Variants in RAB5A observed in about 807,000 individuals in gnomAD.
The protein encoded by RAB5A is RAB5A, member RAS oncogene family.
Under a neutral mutation model 25.7 loss-of-function variants are expected in RAB5A, and 8 were observed. The ratio of observed to expected loss-of-function variants is 0.31; its 90% CI spans 0.18 to 0.56. RAB5A has a LOEUF of 0.56. Ranked by LOEUF, RAB5A falls within the 20% of genes least tolerant of loss-of-function variation. The pLI is 0.91. For missense variants in RAB5A, 192 were observed against 259.7 expected (o/e 0.74, Z 1.79); for synonymous variants, 98 against 89.8 (o/e 1.09, Z -0.52).
At chr3:19,960,998 A>G (rs1428272775) in intron 2 of RAB5A, among the ~76,000 whole-genome samples, 1 of 152,232 alleles carries the variant, frequency 6.6e-6, no homozygotes, top group East Asian at 1.9e-4. Flanking sequence ...AACTAGAGCC[A>G]GAATATATTC....
chr3:19,953,492 C>T (rs1204864285), intron 2 of RAB5A, among the ~76,000 whole-genome samples: 1 of 151,002 alleles, frequency 6.6e-6, no homozygotes, highest in East Asian at 1.9e-4. Flanking sequence ...ACTGCAACCT[C>T]CGCTTCCCAG....
chr3:19,969,306 A>C (rs1696711105), intron 2 of RAB5A, among the ~76,000 whole-genome samples: 2 of 151,302 alleles, frequency 1.3e-5, no homozygotes. Context: ...GGCCTCCTAA[A>C]GTGCTGGGAT....
chr3:19,949,001 G>C (rs1200049107), intron 1 of RAB5A, among the ~76,000 whole-genome samples: 1 of 152,124 alleles, frequency 6.6e-6, no homozygotes, highest in South Asian at 2.1e-4. Context: ...GTATATTAGA[G>C]ATTGTTTACA....
In RAB5A at chr3:19,975,755, A is replaced by G. The variant is rs765586062; in HGVS notation, c.315+3A>G. ...TTGTATATGATATCACAAATGAGGT[A>G]AGTATGGATGCATTCCACAGTAAAA... On this transcript the variant is annotated splice_donor_region_variant and intron_variant, in intron 3 of 5. Transcript: ENST00000273047. The G allele has an allele frequency of 6.2e-7, 1 of 1,608,454 alleles. No individual in the cohort carries two copies. The highest frequency in any genetic ancestry group is 1.1e-5 in the South Asian group (1 of 89,756).
chr3:19,950,908 C>G lies in RAB5A; in HGVS notation c.10C>G (p.Arg4Gly). 6.2e-7 allele frequency: 1 copy of G among 1,609,846 alleles called. No homozygotes were observed. Among genetic ancestry groups the G allele is most frequent in the East Asian group, 2.2e-5 (1 of 44,852 alleles). Residue 4 changes from arginine (R) to glycine (G), a missense_variant, in exon 2 of 6, where the codon CGA (arginine) becomes GGA (glycine). Coordinates refer to ENST00000273047, the MANE Select transcript of RAB5A (RefSeq NM_004162.5). MAS[R>G]GATRPNGPNT... ...TATTTCAAATTTGGACATGGCTAGT[C>G]GAGGCGCAACAAGACCCAACGGGCC...
intron 2 of RAB5A, 108 bp from the exon 3 acceptor site, chr3:19,975,493 T>C: frequency 1.9e-6 from 2 of 1,047,084 alleles, no homozygotes; most frequent in Non-Finnish European, 2.7e-6. Flanking sequence ...TGTACATACT[T>C]ACGGGGTACA....
chr3:19,956,944 T>C (rs907352108), intron 2 of RAB5A, among the ~76,000 whole-genome samples: 2 of 144,110 alleles, frequency 1.4e-5, no homozygotes, highest in East Asian at 1.9e-4. Context: ...GTGTTTTTTT[T>C]CCTTTTTTTT....
In RAB5A at chr3:19,975,790, G is replaced by A. The variant is rs778875102; in HGVS notation, c.315+38G>A. On this transcript the variant is annotated intron_variant, in intron 3 of 5. Transcript: ENST00000273047. ...GCATTCCACAGTAAAACTAATTTGAGTACCCACTTTTGGTGTTCAGAATTT... is the reference window on the plus strand; with the variant it reads ...GCATTCCACAGTAAAACTAATTTGAATACCCACTTTTGGTGTTCAGAATTT... 7.7e-6 allele frequency: 12 copies of A among 1,557,134 alleles called. No homozygotes were observed. In the Admixed American group the frequency reaches 2.3e-4, roughly 30 times the overall value.
intron 2 of RAB5A, among the ~76,000 whole-genome samples, chr3:19,965,216 C>T (rs371031874): frequency 2.0e-5 from 3 of 152,106 alleles, no homozygotes; most frequent in African/African-American, 7.2e-5. Flanking sequence ...GCCACTGTGC[C>T]CGGCCCTAAG....
intron 5 of RAB5A, 34 bp downstream of exon 5, chr3:19,978,437 T>A: frequency 6.8e-7 from 1 of 1,470,416 alleles, no homozygotes; most frequent in Non-Finnish European, 9.4e-7. Flanking sequence ...ATGATCAATA[T>A]AAGCAAAACA....
chr3:19,978,359 C>A lies in RAB5A; in HGVS notation c.488C>A (p.Ser163Tyr). Residue 163 changes from serine to tyrosine, a missense_variant, in exon 5 of 6, where the codon TCC (serine) becomes TAC (tyrosine). Physicochemically the swap from Ser to Tyr is moderately radical, Grantham distance 144. This residue lies in a region of RAB5A where 121 missense variants were observed against 135.7 expected (regional missense o/e 0.89). Coordinates refer to ENST00000273047, the MANE Select transcript of RAB5A (RefSeq NM_004162.5). ...AATAGTTTATTATTCATGGAGACAT[C>A]CGCTAAAACATCAATGAATGTAAAT... is the stretch of plus-strand genomic sequence containing the variant. ...DDNSLLFMET[S>Y]AKTSMNVNEI... The A allele has an allele frequency of 6.2e-7, 1 of 1,610,280 alleles. No homozygotes were observed. The highest frequency in any genetic ancestry group is 8.5e-7 in the Non-Finnish European group (1 of 1,176,954).
In RAB5A at chr3:19,979,705, AT is replaced by A. The variant is rs147665665; in HGVS notation, c.532+1312del. On this transcript the variant is annotated intron_variant, in intron 5 of 5. Transcript: ENST00000273047. ...GGTTGGTTTTGTTTTTTGGTTTTGG[AT>A]TTTTTTTTTAACCCTTTCCTCTTTC... Among the ~76,000 whole-genome samples the A allele has an allele frequency of 5.9e-3, 882 of 149,404 alleles. 7 individuals carry two copies. The highest frequency in any genetic ancestry group is 0.019 in the African/African-American group (759 of 40,822).
chr3:19,954,463 G>C (rs1696469856), intron 2 of RAB5A, among the ~76,000 whole-genome samples: 1 of 152,166 alleles, frequency 6.6e-6, no homozygotes, highest in Non-Finnish European at 1.5e-5. Context: ...GATTCATTAA[G>C]AATATCAAGA....
chr3:19,965,292 TG>T (rs1376665365), intron 2 of RAB5A, among the ~76,000 whole-genome samples: 2 of 152,044 alleles, frequency 1.3e-5, no homozygotes, highest in Non-Finnish European at 2.9e-5. Flanking sequence ...TGTGGTTGTG[TG>T]TGCCTATAGT....
chr3:19,975,090 G>A (rs913318945), intron 2 of RAB5A, among the ~76,000 whole-genome samples: 2 of 152,124 alleles, frequency 1.3e-5, no homozygotes, highest in African/African-American at 4.8e-5. Flanking sequence ...GCCACGTGTG[G>A]TGGTGCATGC....
Position 19,959,407 on chromosome 3 carries a change from C to A in RAB5A, c.163+8346C>A, listed in dbSNP as rs143658377. On this transcript the variant is annotated intron_variant, in intron 2 of 5. Transcript: ENST00000273047. ...TATATGCCACTTTTTAAAAATTAAGCCTAAATCTCCAACTGATCTTCTTGT... is the reference window on the plus strand; with the variant it reads ...TATATGCCACTTTTTAAAAATTAAGACTAAATCTCCAACTGATCTTCTTGT... 1.7e-3 allele frequency among the ~76,000 whole-genome samples: 263 copies of A among 151,498 alleles called. 1 individual carries two copies. Among genetic ancestry groups the A allele is most frequent in the African/African-American group, 5.9e-3 (243 of 41,350 alleles).
chr3:19,950,098 C>G (rs890172306), intron 1 of RAB5A, among the ~76,000 whole-genome samples: 1 of 152,128 alleles, frequency 6.6e-6, no homozygotes, highest in Non-Finnish European at 1.5e-5. Flanking sequence ...AAAAAAGTTA[C>G]AATTATTGTA....
intron 4 of RAB5A, among the ~76,000 whole-genome samples, chr3:19,977,815 T>G (rs959404373): frequency 6.6e-6 from 1 of 152,234 alleles, no homozygotes; most frequent in African/African-American, 2.4e-5. Flanking sequence ...GGCAGTGATG[T>G]AATTTTCAAA....
chr3:19,980,455 C>T (rs371372655), intron 5 of RAB5A, among the ~76,000 whole-genome samples: 1,905 of 117,936 alleles, frequency 0.016, 11 homozygotes, highest in Middle Eastern at 0.061. Context: ...ATTTTTTTTT[C>T]TTTTTTTTTT....
Sources: gnomAD v4.1 joint callset for allele counts (sites outside exome capture counted in the v4.1 genomes callset) on GRCh38, gnomAD v4.1.1 for gene constraint, gnomAD v4.1.1 regional missense constraint, MANE v1.5 for transcripts, NCBI Gene and HGNC (gene_info 2026-07-23, HGNC 2026-07-21) for gene names.